DENND2B: variants seen among roughly 807,000 people sequenced by gnomAD.
DENND2B encodes the protein DENN domain-containing protein 2B.
In DENND2B, 32 loss-of-function variants were observed where a neutral mutation model predicts 116.0. The ratio of observed to expected loss-of-function variants is 0.28; its 90% CI spans 0.21 to 0.37. The LOEUF is 0.37. DENND2B is among the 10% of genes least tolerant of loss of function. The pLI is 1.00. For synonymous variants in DENND2B, 588 were observed against 583.9 expected, an observed-to-expected ratio of 1.01 and a Z score of -0.10; for missense variants, 1,276 against 1,477.7, an observed-to-expected ratio of 0.86 and a Z score of 2.24.
chr11:8,875,049 C>T (rs897790258), upstream of DENND2B, among the ~76,000 whole-genome samples: 7 of 152,106 alleles, frequency 4.6e-5, no homozygotes, highest in Admixed American at 2.6e-4. Flanking sequence ...CTAGGCCGGG[C>T]GCCGTGGCTC....
Position 8,728,729 on chromosome 11 carries a change from C to G in DENND2B, c.1340+1221G>C, listed in dbSNP as rs1404462914. ...CCCCTTCTCTGGGTCTCTGCGGCCT[C>G]CTGCACTGCCATGAGTCATGGCACG... On this transcript the variant is annotated intron_variant, in intron 3 of 19. Transcript: ENST00000313726. Among the ~76,000 whole-genome samples the G allele has an allele frequency of 2.0e-5, 3 of 152,202 alleles. No individual in the cohort carries two copies. In the East Asian group the frequency reaches 5.8e-4, roughly 29 times the overall value.
intron 1 of DENND2B, among the ~76,000 whole-genome samples, chr11:8,908,652 C>G (rs199661262): frequency 6.6e-6 from 1 of 151,960 alleles, no homozygotes; most frequent in African/African-American, 2.4e-5. Context: ...CCTAGGCCAT[C>G]AGGCCTAGCT....
At chr11:8,787,459 T>A (rs1281996328) in intron 1 of DENND2B, among the ~76,000 whole-genome samples, 2 of 152,112 alleles carry the variant, frequency 1.3e-5, no homozygotes, top group African/African-American at 4.8e-5. Flanking sequence ...TACAGGCACA[T>A]GCCATCATGC....
intron 2 of DENND2B, among the ~76,000 whole-genome samples, chr11:8,879,324 T>G (rs144376984): frequency 6.6e-6 from 1 of 152,320 alleles, no homozygotes; most frequent in African/African-American, 2.4e-5. Flanking sequence ...AATACCTCCC[T>G]ACTGATCCAT....
intron 1 of DENND2B, among the ~76,000 whole-genome samples, chr11:8,793,737 T>C (rs2059581194): frequency 1.3e-5 from 2 of 152,188 alleles, no homozygotes; most frequent in Admixed American, 1.3e-4. Flanking sequence ...AGGAGTGGAA[T>C]TGCTGGGTCA....
At chr11:8,786,036 C>G (rs2058869856) in intron 1 of DENND2B, among the ~76,000 whole-genome samples, 1 of 152,216 alleles carries the variant, frequency 6.6e-6, no homozygotes, top group South Asian at 2.1e-4. Context: ...TCCAACTCTT[C>G]ACAAAATTCC....
At chr11:8,737,484 G>A (rs548538791) in intron 2 of DENND2B, among the ~76,000 whole-genome samples, 5 of 152,306 alleles carry the variant, frequency 3.3e-5, no homozygotes, top group Admixed American at 2.0e-4. Flanking sequence ...ACCTGACGAA[G>A]AGAGGTTTTG....
intron 16 of DENND2B, among the ~76,000 whole-genome samples, chr11:8,698,381 G>T (rs2040841645): frequency 6.6e-6 from 1 of 152,152 alleles, no homozygotes; most frequent in African/African-American, 2.4e-5. Context: ...ACTATGCCTG[G>T]TACCCAGGGA....
chr11:8,735,004 AG>A (rs1410446134), intron 2 of DENND2B, among the ~76,000 whole-genome samples: 4 of 2,440 alleles, frequency 1.6e-3, no homozygotes, highest in Non-Finnish European at 2.8e-3. Context: ...CTGTCGGGGC[AG>A]GGGGGCGGGA....
intron 1 of DENND2B, among the ~76,000 whole-genome samples, chr11:8,800,288 C>T (rs1191906166): frequency 6.6e-6 from 1 of 152,094 alleles, no homozygotes; most frequent in East Asian, 1.9e-4. Context: ...TCCATCAGAA[C>T]ACATATTAGG....
chr11:8,757,217 T>A (rs1362422988), intron 1 of DENND2B: 3 of 399,430 alleles, frequency 7.5e-6, no homozygotes, highest in African/African-American at 6.3e-5. Flanking sequence ...ACAGCCATAA[T>A]AGCAATATGA....
At chr11:8,840,336 C>A in intron 3 of DENND2B, among the ~76,000 whole-genome samples, 1 of 152,000 alleles carries the variant, frequency 6.6e-6, no homozygotes, top group Non-Finnish European at 1.5e-5. Context: ...ACCAAGACCA[C>A]AAAAAAGGTG....
intron 7 of DENND2B, among the ~76,000 whole-genome samples, chr11:8,714,268 G>GA (rs1447872892): frequency 2.0e-5 from 3 of 152,232 alleles, no homozygotes. Flanking sequence ...GAAGCTGAGG[G>GA]CCTGAGTTGG....
intron 1 of DENND2B, chr11:8,895,605 A>C (rs949279722): frequency 2.6e-5 from 4 of 152,168 alleles, no homozygotes; most frequent in African/African-American, 9.7e-5. Context: ...AGAATAGACA[A>C]TTATTGTTTA....
intron 4 of DENND2B, among the ~76,000 whole-genome samples, chr11:8,829,432 C>G (rs1305302031): frequency 6.6e-6 from 1 of 152,086 alleles, no homozygotes; most frequent in East Asian, 1.9e-4. Context: ...ACTGGAGACC[C>G]GCCAGTCTCC....
chr11:8,817,617 G>C (rs544883681), intron 4 of DENND2B, among the ~76,000 whole-genome samples: 40 of 152,232 alleles, frequency 2.6e-4, no homozygotes, highest in Non-Finnish European at 5.4e-4. Context: ...CAGTGAAGCA[G>C]CTACCACACA....
chr11:8,824,553 T>C (rs2061897310), intron 4 of DENND2B, among the ~76,000 whole-genome samples: 1 of 152,222 alleles, frequency 6.6e-6, no homozygotes, highest in South Asian at 2.1e-4. Context: ...TATGGCTGCA[T>C]AGTATTCCAT....
intron 1 of DENND2B, among the ~76,000 whole-genome samples, chr11:8,806,442 A>G (rs2060842069): frequency 6.6e-6 from 1 of 152,156 alleles, no homozygotes; most frequent in Non-Finnish European, 1.5e-5. Flanking sequence ...GAAATCTAAC[A>G]TTCAGGCAGT....
At chr11:8,718,794 C>G in intron 4 of DENND2B, 1 of 1,009,826 alleles carries the variant, frequency 9.9e-7, no homozygotes, top group Non-Finnish European at 1.2e-6. Context: ...AGAATCCCTG[C>G]CCTTGAAGAT....
Sources: gnomAD v4.1 joint callset for allele counts (sites outside exome capture counted in the v4.1 genomes callset) on GRCh38, gnomAD v4.1.1 for gene constraint, MANE v1.5 for transcripts, NCBI Gene and HGNC (gene_info 2026-07-23, HGNC 2026-07-21) for gene names.